The following OPA3 variants were observed in gnomAD, a reference collection of about 807,000 sequenced individuals.
The protein encoded by OPA3 is outer mitochondrial membrane lipid metabolism regulator OPA3.
In OPA3, 6 loss-of-function variants were observed where a neutral mutation model predicts 4.0. That is an observed-to-expected ratio of 1.51 (90% confidence interval 0.83 to 2.99). The LOEUF is 2.99. OPA3 is among the 30% of genes most tolerant of loss of function. OPA3 has a pLI of 0.00. For synonymous variants in OPA3, 105 were observed against 117.1 expected (o/e 0.90, Z 0.67); for missense variants, 235 against 256.2 (o/e 0.92, Z 0.56).
chr19:45,566,765 C>T (rs1327015455), intron 1 of OPA3, among the ~76,000 whole-genome samples: 1 of 152,112 alleles, frequency 6.6e-6, no homozygotes, highest in Admixed American at 6.6e-5. Flanking sequence ...TGAGCCACCG[C>T]ACCTGGCTCA....
chr19:45,570,263 C>A (rs898705606), intron 1 of OPA3, among the ~76,000 whole-genome samples: 3 of 152,182 alleles, frequency 2.0e-5, no homozygotes, highest in Non-Finnish European at 4.4e-5. Flanking sequence ...GCAAATGCCT[C>A]TGCATAATGA....
intron 1 of OPA3, among the ~76,000 whole-genome samples, chr19:45,563,966 C>T (rs1025695855): frequency 6.6e-6 from 1 of 151,852 alleles, no homozygotes; most frequent in African/African-American, 2.4e-5. Context: ...CTGGGATTAC[C>T]GGTGTGCACC....
chr19:45,583,357 T>TAAA (rs1969884392), intron 1 of OPA3, among the ~76,000 whole-genome samples: 2 of 152,216 alleles, frequency 1.3e-5, no homozygotes, highest in East Asian at 3.9e-4. Flanking sequence ...TTTCACCGTG[T>TAAA]TAGCCAGGAT....
chr19:45,573,789 C>T (rs997484686), intron 1 of OPA3, among the ~76,000 whole-genome samples: 2 of 152,162 alleles, frequency 1.3e-5, no homozygotes, highest in Admixed American at 6.5e-5. Context: ...ACACACACCA[C>T]GTAAACAGCA....
intron 1 of OPA3, among the ~76,000 whole-genome samples, chr19:45,537,862 C>A (rs71352272): frequency 6.6e-6 from 1 of 152,056 alleles, no homozygotes; most frequent in Non-Finnish European, 1.5e-5. Flanking sequence ...TCTATTAATT[C>A]TAAGTGGTGG....
chr19:45,564,239 A>G (rs1356690389), intron 1 of OPA3, among the ~76,000 whole-genome samples: 2 of 152,094 alleles, frequency 1.3e-5, no homozygotes, highest in Non-Finnish European at 2.9e-5. Flanking sequence ...AGGCGGGAGC[A>G]GATGGCTGAG....
intron 1 of OPA3, among the ~76,000 whole-genome samples, chr19:45,567,434 T>A (rs1969600153): frequency 2.0e-5 from 3 of 151,074 alleles, no homozygotes; most frequent in African/African-American, 2.4e-5. Context: ...AAGCTAAACA[T>A]AAATTTCATA....
At chr19:45,542,745 C>T (rs1464084906), downstream of OPA3, among the ~76,000 whole-genome samples, 1 of 145,730 alleles carries the variant, frequency 6.9e-6, no homozygotes, top group African/African-American at 2.6e-5. Context: ...GCGATCCTGG[C>T]TCACTGCAGC....
chr19:45,535,758 TTTTC>T (rs1260540613), intron 1 of OPA3, among the ~76,000 whole-genome samples: 4 of 103,454 alleles, frequency 3.9e-5, no homozygotes, highest in South Asian at 7.9e-4. Context: ...TGTTTTTTTC[TTTTC>T]TTTTTTTTTT....
chr19:45,545,704 G>A (rs1003188159), downstream of OPA3, among the ~76,000 whole-genome samples: 1 of 148,902 alleles, frequency 6.7e-6, no homozygotes, highest in Non-Finnish European at 1.5e-5. Flanking sequence ...ATATGTACAT[G>A]CTTTTCTTTT....
chr19:45,574,204 T>C (rs531214411), intron 1 of OPA3, among the ~76,000 whole-genome samples: 7 of 146,612 alleles, frequency 4.8e-5, no homozygotes, highest in Admixed American at 4.8e-4. Flanking sequence ...CCATCCTGGC[T>C]AACATGGTGA....
At chr19:45,560,254 C>A (rs903144093) in intron 1 of OPA3, among the ~76,000 whole-genome samples, 2 of 152,112 alleles carry the variant, frequency 1.3e-5, no homozygotes, top group Non-Finnish European at 2.9e-5. Context: ...CCTTCCCTGA[C>A]CTCCAGACCC....
chr19:45,554,132 C>T (rs1393634347), intron 1 of OPA3, among the ~76,000 whole-genome samples: 1 of 152,212 alleles, frequency 6.6e-6, no homozygotes, highest in Non-Finnish European at 1.5e-5. Context: ...GCTTCCACAG[C>T]GCCAAGTTCA....
At chr19:45,531,775 CTTG>C (rs1396803317) in intron 1 of OPA3, among the ~76,000 whole-genome samples, 1 of 152,162 alleles carries the variant, frequency 6.6e-6, no homozygotes, top group Non-Finnish European at 1.5e-5. Context: ...GGCAGAGGGG[CTTG>C]TTGTCATCCC....
At position 45,550,308 on chromosome 19, in the gene OPA3, T is replaced by C. The variant is rs1342979307; in HGVS notation, c.*3206A>G. On this transcript the variant is annotated 3_prime_UTR_variant, in exon 2 of 2. Transcript: ENST00000263275. Reference sequence around the variant, plus strand: ...ATGGAAGTCGGGGAAAGCCCGGCCCTCCCACTTTCACCTGCAGCTTCCCAA... The same window carrying C: ...ATGGAAGTCGGGGAAAGCCCGGCCCCCCCACTTTCACCTGCAGCTTCCCAA... 6 of 985,512 alleles carry C rather than the reference T, an allele frequency of 6.1e-6. No individual in the cohort carries two copies. The East Asian group carries it at 5.7e-4, about 93-fold the overall frequency. The allele number at this position is 985,512 out of a possible 1,614,324, so 61.0% of individuals were successfully genotyped here. A position where few individuals can be genotyped will look rare whatever the true frequency, so the allele number is the denominator to read the frequency against.
downstream of OPA3, among the ~76,000 whole-genome samples, chr19:45,545,172 A>C (rs1348086820): frequency 2.0e-5 from 3 of 149,038 alleles, no homozygotes; most frequent in South Asian, 2.1e-4. Flanking sequence ...CTCAAAAAAA[A>C]AAAAAACAAA....
In OPA3 at chr19:45,550,947, G is replaced by C; in HGVS notation, c.*2567C>G. 3 of 985,648 alleles carry C rather than the reference G, an allele frequency of 3.0e-6. No homozygotes were observed. The African/African-American group carries it at 5.2e-5, about 17-fold the overall frequency. The allele number at this position is 985,648 out of a possible 1,614,324, so 61.1% of individuals were successfully genotyped here. ...AGCAGGAAGGCCAAATGGCCCGCGGGGTTGGCAGGAGTCCCAGGGTACTTT... is the reference window on the plus strand; with the variant it reads ...AGCAGGAAGGCCAAATGGCCCGCGGCGTTGGCAGGAGTCCCAGGGTACTTT... On this transcript the variant is annotated 3_prime_UTR_variant, in exon 2 of 2. Transcript: ENST00000263275.
chr19:45,543,017 T>A (rs1286260274), downstream of OPA3, among the ~76,000 whole-genome samples: 2 of 151,924 alleles, frequency 1.3e-5, no homozygotes, highest in African/African-American at 2.4e-5. Flanking sequence ...TTTATTTATT[T>A]ATTTATTTTT....
intron 1 of OPA3, among the ~76,000 whole-genome samples, chr19:45,561,062 G>A (rs1022652232): frequency 6.6e-6 from 1 of 152,168 alleles, no homozygotes; most frequent in African/African-American, 2.4e-5. Flanking sequence ...GGCCGGGCGC[G>A]GTGGCTCACG....
Sources: allele counts gnomAD v4.1 joint callset (sites outside exome capture counted in the v4.1 genomes callset), GRCh38; gene constraint gnomAD v4.1.1; transcripts MANE v1.5; gene names NCBI Gene and HGNC (gene_info 2026-07-23, HGNC 2026-07-21).